Variants in NOL4 observed in about 807,000 individuals in gnomAD.
NOL4 encodes cancer/testis antigen 125.
In NOL4, 17 loss-of-function variants were observed where a neutral mutation model predicts 75.9. That is an observed-to-expected ratio of 0.22 (90% CI 0.15 to 0.34). The LOEUF is 0.34. NOL4 is among the 10% of genes least tolerant of loss of function. The pLI is 1.00. For synonymous variants in NOL4, 292 were observed against 289.9 expected, an observed-to-expected ratio of 1.01 and a Z score of -0.07; for missense variants, 614 against 793.5, an observed-to-expected ratio of 0.77 and a Z score of 2.72.
At chr18:33,877,437 T>TAACAAAAAA (rs1555641396) in intron 10 of NOL4, among the ~76,000 whole-genome samples, 31 of 106,206 alleles carry the variant, frequency 2.9e-4, no homozygotes, top group African/African-American at 1.1e-3. Flanking sequence ...GACCTTGCCT[T>TAACAAAAAA]AAAAAAAAAA....
Position 33,916,647 on chromosome 18 carries a change from C to T in NOL4, c.1542+26418G>A, listed in dbSNP as rs149149687. 1.3e-3 allele frequency among the ~76,000 whole-genome samples: 195 copies of T among 152,162 alleles called. 1 individual carries two copies. Among genetic ancestry groups the T allele is most frequent in the Non-Finnish European group, 8.7e-4 (59 of 67,996 alleles). Reference sequence around the variant, plus strand: ...TATTTACTTTAATGTAAAATCTGTGCCAATATTCAAATTAAAAATGTACTA... The same window carrying T: ...TATTTACTTTAATGTAAAATCTGTGTCAATATTCAAATTAAAAATGTACTA... On this transcript the variant is annotated intron_variant, in intron 9 of 10. Coordinates refer to ENST00000261592, the MANE Select transcript of NOL4 (RefSeq NM_003787.5).
intron 9 of NOL4, among the ~76,000 whole-genome samples, chr18:33,930,174 T>C (rs1480237802): frequency 6.6e-6 from 1 of 152,186 alleles, no homozygotes; most frequent in Non-Finnish European, 1.5e-5. Context: ...TTACTGGTGA[T>C]ATCTATCTGT....
At position 34,223,385 on chromosome 18, in the gene NOL4, G is replaced by A. The variant is rs879670688; in HGVS notation, c.-132C>T. 23 of 1,335,322 alleles carry A rather than the reference G, an allele frequency of 1.7e-5. No individual in the cohort carries two copies. Among genetic ancestry groups the A allele is most frequent in the Non-Finnish European group, 2.3e-5 (23 of 986,910 alleles). 82.7% of individuals were successfully genotyped at this position (1,335,322 alleles called of 1,614,324 possible). A position where few individuals can be genotyped will look rare whatever the true frequency, so the allele number is the denominator to read the frequency against. On this transcript the variant is annotated 5_prime_UTR_variant, in exon 1 of 11. Coordinates refer to ENST00000261592, the MANE Select transcript of NOL4 (RefSeq NM_003787.5). ...CCCGGCCGCAGCGGGAGCCTGCTTT[G>A]GGTGGGGGAAGGGATGGGAAGAGGG...
At chr18:33,970,467 T>C (rs1389926846) in intron 6 of NOL4, among the ~76,000 whole-genome samples, 1 of 152,158 alleles carries the variant, frequency 6.6e-6, no homozygotes, top group Non-Finnish European at 1.5e-5. Flanking sequence ...TTTGGCTTCA[T>C]GTGACATACT....
At position 34,078,280 on chromosome 18, in the gene NOL4, G is replaced by A. The variant is rs144276469; in HGVS notation, c.772+15185C>T. ...GGTCACATCACAGAAATTTGTTTTA[G>A]GGAGACATAAATTGTGTCTGAAGTG... On this transcript the variant is annotated intron_variant, in intron 5 of 10. Coordinates refer to ENST00000261592, the MANE Select transcript of NOL4 (RefSeq NM_003787.5). Among the ~76,000 whole-genome samples the A allele has an allele frequency of 2.1e-3, 315 of 152,206 alleles. 1 individual carries two copies. The highest frequency in any genetic ancestry group is 7.1e-3 in the African/African-American group (296 of 41,550).
chr18:34,105,093 C>T lies in NOL4; in HGVS notation c.482G>A (p.Cys161Tyr), dbSNP rs1163656279. ...VTRFLMSCSECQKRMHLNPDG... is the reference protein window; with the variant it reads ...VTRFLMSCSEYQKRMHLNPDG... ...TGGGTTTAAATGCATTCTTTTCTGG[C>T]ACTCTGAGCAGCTCATTAGAAATCG... Residue 161 changes from cysteine to tyrosine, a missense_variant, in exon 3 of 11, where the codon TGC (cysteine) becomes TAC (tyrosine). Physicochemically the swap from Cys to Tyr is radical, Grantham distance 194. Around this residue, in one of 9 missense-constraint regions of NOL4, gnomAD observed 135 missense variants for 220.4 expected, o/e 0.61. Coordinates refer to ENST00000261592, the MANE Select transcript of NOL4 (RefSeq NM_003787.5). 1 of 1,612,180 alleles carries T rather than the reference C, an allele frequency of 6.2e-7. No individual in the cohort carries two copies. Among genetic ancestry groups the T allele is most frequent in the Admixed American group, 1.7e-5 (1 of 59,914 alleles).
At chr18:33,972,877 G>A (rs2071188933) in intron 6 of NOL4, among the ~76,000 whole-genome samples, 1 of 152,122 alleles carries the variant, frequency 6.6e-6, no homozygotes, top group African/African-American at 2.4e-5. Context: ...CTTTTTGCTG[G>A]AAGAAGGTCT....
chr18:34,081,612 T>C (rs990170253), intron 5 of NOL4, among the ~76,000 whole-genome samples: 3 of 152,194 alleles, frequency 2.0e-5, no homozygotes, highest in Admixed American at 2.0e-4. Context: ...TACATCACTA[T>C]TGACATGAGT....
intron 6 of NOL4, among the ~76,000 whole-genome samples, chr18:33,977,760 T>C (rs1244483149): frequency 6.6e-6 from 1 of 152,216 alleles, no homozygotes; most frequent in Non-Finnish European, 1.5e-5. Flanking sequence ...TGTTCATATA[T>C]GTATTGGTCA....
intron 1 of NOL4, among the ~76,000 whole-genome samples, chr18:34,140,793 G>A (rs1271225493): frequency 6.6e-6 from 1 of 152,090 alleles, no homozygotes; most frequent in African/African-American, 2.4e-5. Flanking sequence ...TTTACAATTT[G>A]GCATGTTTTT....
intron 5 of NOL4, among the ~76,000 whole-genome samples, chr18:34,046,324 T>C (rs2076362960): frequency 6.6e-6 from 1 of 151,880 alleles, no homozygotes. Flanking sequence ...GATGACCTGG[T>C]CCTCACCAAG....
intron 5 of NOL4, among the ~76,000 whole-genome samples, chr18:34,060,790 A>G (rs1016477775): frequency 6.6e-6 from 1 of 152,230 alleles, no homozygotes; most frequent in Non-Finnish European, 1.5e-5. Flanking sequence ...TGTGGTGCCT[A>G]AGAAGGACTA....
intron 6 of NOL4, among the ~76,000 whole-genome samples, chr18:33,991,893 G>A (rs1306424374): frequency 6.6e-6 from 1 of 151,968 alleles, no homozygotes; most frequent in Non-Finnish European, 1.5e-5. Context: ...TACATGGATA[G>A]GTTATCAATA....
intron 1 of NOL4, among the ~76,000 whole-genome samples, chr18:34,203,732 C>G (rs1346867087): frequency 1.3e-5 from 2 of 149,442 alleles, no homozygotes; most frequent in Non-Finnish European, 3.0e-5. Context: ...CACACACACA[C>G]ACACACACAC....
intron 5 of NOL4, among the ~76,000 whole-genome samples, chr18:34,045,792 G>A (rs2076336570): frequency 6.6e-6 from 1 of 152,068 alleles, no homozygotes; most frequent in African/African-American, 2.4e-5. Context: ...ATGTATCATA[G>A]TATTGAATCA....
intron 2 of NOL4, among the ~76,000 whole-genome samples, chr18:34,125,439 A>T (rs2080340520): frequency 6.6e-6 from 1 of 152,164 alleles, no homozygotes; most frequent in Non-Finnish European, 1.5e-5. Flanking sequence ...TATGGCTGCA[A>T]ATTTGGTTAA....
intron 5 of NOL4, among the ~76,000 whole-genome samples, chr18:34,064,589 T>C (rs1316777584): frequency 6.6e-6 from 1 of 151,986 alleles, no homozygotes; most frequent in Non-Finnish European, 1.5e-5. Flanking sequence ...TTCCAAGTTA[T>C]GAAATACCAA....
chr18:34,055,492 T>C (rs1203155813), intron 5 of NOL4, among the ~76,000 whole-genome samples: 2 of 152,178 alleles, frequency 1.3e-5, no homozygotes, highest in Non-Finnish European at 2.9e-5. Flanking sequence ...ATAGAGGCTA[T>C]AATGTACATG....
intron 6 of NOL4, among the ~76,000 whole-genome samples, chr18:34,013,375 A>G (rs906591744): frequency 9.2e-5 from 14 of 151,862 alleles, no homozygotes; most frequent in African/African-American, 3.4e-4. Flanking sequence ...TATGCCACCT[A>G]AAGTCATCTT....
Sources: gnomAD v4.1 joint callset for allele counts (sites outside exome capture counted in the v4.1 genomes callset) on GRCh38, gnomAD v4.1.1 for gene constraint, gnomAD v4.1.1 regional missense constraint, MANE v1.5 for transcripts, NCBI Gene and HGNC (gene_info 2026-07-23, HGNC 2026-07-21) for gene names.